Variants in IL1RAPL1 observed in about 807,000 individuals in gnomAD.
IL1RAPL1 encodes the protein interleukin-1 receptor accessory protein-like 1.
A neutral mutation model predicts 48.4 loss-of-function variants in IL1RAPL1; 3 were observed. The ratio of observed to expected loss-of-function variants is 0.06; its 90% CI spans 0.03 to 0.16. The LOEUF is 0.16. Among genes scored for constraint, IL1RAPL1 ranks in the 10% least tolerant of loss-of-function variants. The pLI is 1.00. For synonymous variants in IL1RAPL1, 185 were observed against 187.7 expected, an observed-to-expected ratio of 0.99 and a Z score of 0.12; for missense variants, 349 against 530.6, an observed-to-expected ratio of 0.66 and a Z score of 3.36.
rs770309637 is a variant in IL1RAPL1 at position 28,638,242 on chromosome X, T to C, written c.-25+50195T>C. On this transcript the variant is annotated intron_variant, in intron 1 of 10. Coordinates refer to ENST00000378993, the MANE Select transcript of IL1RAPL1 (RefSeq NM_014271.4). ...TGAAATTATATGCCTAGTCCAGAATTAAGGACCTGGAATAGGCTAAACAAG... is the reference window on the plus strand; with the variant it reads ...TGAAATTATATGCCTAGTCCAGAATCAAGGACCTGGAATAGGCTAAACAAG... Among the ~76,000 whole-genome samples, 165 of 111,703 alleles carry C rather than the reference T, an allele frequency of 1.5e-3. 1 individual carries two copies. The highest frequency in any genetic ancestry group is 5.1e-3 in the African/African-American group (157 of 30,870).
chrX:29,577,873 T>C (rs1340396787), intron 5 of IL1RAPL1, among the ~76,000 whole-genome samples: 1 of 111,304 alleles, frequency 9.0e-6, no homozygotes, highest in East Asian at 2.8e-4. Flanking sequence ...GGAGGGGAAA[T>C]GAATAATCTC....
intron 1 of IL1RAPL1, among the ~76,000 whole-genome samples, chrX:28,773,061 ATCTCTC>A (rs112975089): frequency 0.021 from 2,168 of 105,439 alleles, 70 homozygotes; most frequent in African/African-American, 0.071. Context: ...TTCTTATAAT[ATCTCTC>A]TCTCTCTCTC....
At chrX:28,925,778 G>A (rs1465773791) in intron 2 of IL1RAPL1, among the ~76,000 whole-genome samples, 1 of 110,800 alleles carries the variant, frequency 9.0e-6, no homozygotes, top group Non-Finnish European at 1.9e-5. Context: ...AAATTTAGCT[G>A]GGTGTGGTGG....
chrX:29,370,712 C>T (rs999722935), intron 3 of IL1RAPL1, among the ~76,000 whole-genome samples: 10 of 109,350 alleles, frequency 9.1e-5, no homozygotes, highest in African/African-American at 2.0e-4. Context: ...AAAATACCTC[C>T]GGAGGAAAAT....
At position 29,336,189 on chromosome X, in the gene IL1RAPL1, G is replaced by GTATA. The variant is rs769850706; in HGVS notation, c.362+52984_362+52987dup. On this transcript the variant is annotated intron_variant, in intron 3 of 10. Transcript: ENST00000378993. ...GCTTTTTGGTAGAAAAGGTGTGTGTGTATATATATATATATGTACACACAT... is the reference window on the plus strand; with the variant it reads ...GCTTTTTGGTAGAAAAGGTGTGTGTGTATATATATATATATATATGTACACACAT... 3.8e-4 allele frequency among the ~76,000 whole-genome samples: 36 copies of GTATA among 94,077 alleles called. No individual in the cohort carries two copies. In the South Asian group the frequency reaches 4.6e-3, roughly 12 times the overall value. 81.7% of individuals were successfully genotyped at this position (94,077 alleles called of 115,157 possible).
chrX:29,178,478 A>G (rs189836505), intron 2 of IL1RAPL1, among the ~76,000 whole-genome samples: 109 of 111,698 alleles, frequency 9.8e-4, no homozygotes, highest in African/African-American at 3.3e-3. Flanking sequence ...CAAGTTCTTT[A>G]TAGATTCTAG....
At chrX:29,927,191 T>C (rs1932898735) in intron 8 of IL1RAPL1, among the ~76,000 whole-genome samples, 1 of 112,256 alleles carries the variant, frequency 8.9e-6, no homozygotes, top group South Asian at 3.8e-4. Context: ...GAGTTCCTTA[T>C]TGGTGTTGCC....
chrX:29,078,283 A>C (rs1185913517), intron 2 of IL1RAPL1, among the ~76,000 whole-genome samples: 1 of 110,255 alleles, frequency 9.1e-6, no homozygotes, highest in Non-Finnish European at 1.9e-5. Flanking sequence ...ATTCCATCTC[A>C]AACAAAACAA....
intron 2 of IL1RAPL1, among the ~76,000 whole-genome samples, chrX:29,204,845 A>G (rs765044134): frequency 2.0e-4 from 22 of 111,686 alleles, no homozygotes; most frequent in African/African-American, 7.1e-4. Flanking sequence ...CTTCAAAGGG[A>G]TGGTTCCTAG....
At chrX:28,625,590 G>A (rs1372906710) in intron 1 of IL1RAPL1, among the ~76,000 whole-genome samples, 1 of 111,926 alleles carries the variant, frequency 8.9e-6, no homozygotes, top group Non-Finnish European at 1.9e-5. Flanking sequence ...AGAGCCAGGT[G>A]TGCTGAATGC....
At chrX:28,789,867 A>G (rs1222703402) in intron 2 of IL1RAPL1, among the ~76,000 whole-genome samples, 3 of 112,243 alleles carry the variant, frequency 2.7e-5, no homozygotes, top group African/African-American at 9.7e-5. Context: ...GGAAGTATAT[A>G]AAGAAAATAC....
intron 2 of IL1RAPL1, among the ~76,000 whole-genome samples, chrX:29,078,615 T>C (rs1927735481): frequency 8.9e-6 from 1 of 112,293 alleles, no homozygotes; most frequent in Admixed American, 9.4e-5. Flanking sequence ...AAGCGTTAAG[T>C]TATTTTACTC....
At chrX:29,464,499 T>A (rs1371827626) in intron 5 of IL1RAPL1, among the ~76,000 whole-genome samples, 1 of 112,434 alleles carries the variant, frequency 8.9e-6, no homozygotes, top group East Asian at 2.8e-4. Context: ...TACTACTAAA[T>A]TTTATACTTT....
chrX:29,623,289 A>G (rs1156410398), intron 5 of IL1RAPL1, among the ~76,000 whole-genome samples: 1 of 110,348 alleles, frequency 9.1e-6, no homozygotes, highest in African/African-American at 3.3e-5. Flanking sequence ...CTCAAAAAAA[A>G]AAAAAGAAAG....
In IL1RAPL1 at chrX:29,649,616, A is replaced by G. The variant is rs376453823; in HGVS notation, c.704-18814A>G. ...TATAGAAACAGTGCACCTCATGACCATAAAGACCATATGTGACAAACCTAC... is the reference window on the plus strand; with the variant it reads ...TATAGAAACAGTGCACCTCATGACCGTAAAGACCATATGTGACAAACCTAC... On this transcript the variant is annotated intron_variant, in intron 5 of 10. Transcript: ENST00000378993. Among the ~76,000 whole-genome samples, 5 of 111,768 alleles carry G rather than the reference A, an allele frequency of 4.5e-5. No homozygotes were observed. The East Asian group carries it at 1.4e-3, about 31-fold the overall frequency.
At chrX:29,780,018 A>G (rs1443110399) in intron 6 of IL1RAPL1, among the ~76,000 whole-genome samples, 3 of 111,113 alleles carry the variant, frequency 2.7e-5, no homozygotes, top group Non-Finnish European at 5.7e-5. Flanking sequence ...AAGTACCCAA[A>G]ATCAATATCA....
intron 5 of IL1RAPL1, among the ~76,000 whole-genome samples, chrX:29,653,217 T>C (rs1221819368): frequency 8.9e-6 from 1 of 112,335 alleles, no homozygotes; most frequent in Non-Finnish European, 1.9e-5. Flanking sequence ...CTTGTTAGTA[T>C]GGACAATTTT....
chrX:29,499,228 C>T (rs1233062807), intron 5 of IL1RAPL1, among the ~76,000 whole-genome samples: 1 of 111,849 alleles, frequency 8.9e-6, no homozygotes, highest in Non-Finnish European at 1.9e-5. Context: ...GGCCAGTCTA[C>T]TGACAGATTT....
At chrX:29,504,051 C>T (rs1935302826) in intron 5 of IL1RAPL1, among the ~76,000 whole-genome samples, 1 of 107,816 alleles carries the variant, frequency 9.3e-6, no homozygotes, top group Non-Finnish European at 1.9e-5. Flanking sequence ...ACCTCTGCCT[C>T]CTGGGTTCAA....
Sources: allele counts gnomAD v4.1 joint callset (sites outside exome capture counted in the v4.1 genomes callset), GRCh38; gene constraint gnomAD v4.1.1; transcripts MANE v1.5; gene names NCBI Gene and HGNC (gene_info 2026-07-23, HGNC 2026-07-21).